The following PLA2G6 variants were observed in gnomAD, a reference collection of about 807,000 sequenced individuals.
PLA2G6 encodes the protein phospholipase A2 group VI, also known as 85/88 kDa calcium-independent phospholipase A2.
PLA2G6 carries 62 observed loss-of-function variants against 83.8 expected under a neutral mutation model. The ratio of observed to expected loss-of-function variants is 0.74; its 90% CI spans 0.60 to 0.91. PLA2G6 has a LOEUF of 0.91. Among genes scored for constraint, PLA2G6 ranks in the 40% least tolerant of loss-of-function variants. The pLI, the probability that PLA2G6 is intolerant of heterozygous loss-of-function variation, is 0.00. For synonymous variants in PLA2G6, 417 were observed against 449.8 expected, an observed-to-expected ratio of 0.93 and a Z score of 0.92; for missense variants, 944 against 1,102.0, an observed-to-expected ratio of 0.86 and a Z score of 2.03.
chr22:38,130,158 A>C, intron 7 of PLA2G6: 1 of 185,778 alleles, frequency 5.4e-6, no homozygotes, highest in South Asian at 1.2e-4. Context: ...TGGCCTTGTC[A>C]CCTTCCTCTT....
At chr22:38,147,250 A>T (rs2145838980) in intron 2 of PLA2G6, 1 of 154,510 alleles carries the variant, frequency 6.5e-6, no homozygotes, top group African/African-American at 2.4e-5. Context: ...AAAAACCACT[A>T]TAAAAGCACT....
chr22:38,123,172 C>A lies in PLA2G6; in HGVS notation c.1514G>T (p.Gly505Val). Residue 505 changes from glycine to valine, a missense_variant, in exon 11 of 17, where the codon GGT becomes GTT. By Grantham distance (109) the Gly-to-Val change is moderately radical. Transcript: ENST00000332509. The surrounding 1 kb of genome is among the most constrained non-coding windows in gnomAD (Gnocchi z 4.1). ...QLLIAIEKAS[G>V]VATKDLFDWV... ...GTCAAACAGGTCCTTGGTGGCCACACCCGAGGCCTTCTCGATGGCGATGAG... is the reference window on the plus strand; with the variant it reads ...GTCAAACAGGTCCTTGGTGGCCACAACCGAGGCCTTCTCGATGGCGATGAG... The A allele has an allele frequency of 6.4e-7, 1 of 1,551,394 alleles. No homozygotes were observed. The highest frequency in any genetic ancestry group is 8.7e-7 in the Non-Finnish European group (1 of 1,147,596).
In PLA2G6 at chr22:38,123,078, C is replaced by A. The variant is rs748557119; in HGVS notation, c.1591+17G>T. Reference sequence around the variant, plus strand: ...GTCTCAGCCCCGCCTGGCCCCATCCCCAGGGGCCGCCCTCACTGTGCAGAA... The same window carrying A: ...GTCTCAGCCCCGCCTGGCCCCATCCACAGGGGCCGCCCTCACTGTGCAGAA... On this transcript the variant is annotated intron_variant, in intron 11 of 16. Coordinates refer to ENST00000332509, the MANE Select transcript of PLA2G6 (RefSeq NM_003560.4). This position sits in a 1 kb window ranked among gnomAD's most constrained non-coding sequence, Gnocchi z 4.1. 6.5e-7 allele frequency: 1 copy of A among 1,546,834 alleles called. No homozygotes were observed. Among genetic ancestry groups the A allele is most frequent in the Non-Finnish European group, 8.7e-7 (1 of 1,146,396 alleles).
At position 38,145,456 on chromosome 22, in the gene PLA2G6, T is replaced by C. The variant is rs201339748; in HGVS notation, c.407A>G (p.His136Arg). The change falls in exon 3 of 17, where the codon CAT becomes CGT. Residue 136 changes from histidine to arginine, a missense_variant. Coordinates refer to ENST00000332509, the MANE Select transcript of PLA2G6 (RefSeq NM_003560.4). ...TGCTCACCTGATGATACGGCTGTGA[T>C]GGAAGCACTCGCGGATCCCTAGCTC... ...AVELGIRECF[H>R]HSRIISCANC... is the part of the protein sequence containing the mutation. The C allele has an allele frequency of 9.3e-6, 15 of 1,609,230 alleles. No individual in the cohort carries two copies. The highest frequency in any genetic ancestry group is 2.7e-5 in the African/African-American group (2 of 75,012).
Position 38,120,901 on chromosome 22 carries a change from T to C in PLA2G6, c.1600A>G (p.Met534Val), listed in dbSNP as rs748730147. Residue 534 changes from methionine to valine, a missense_variant, in exon 12 of 17, where the codon ATG becomes GTG. Transcript: ENST00000332509. The part of the protein sequence containing the change: ...LALAILHSKS[M>V]AYMRGMYFRM... ...AAGTACATGCCGCGCATGTAGGCCA[T>C]GGACTTACCTAGGAACAAAGGGGTC... 6.1e-5 allele frequency: 99 copies of C among 1,613,424 alleles called. No individual in the cohort carries two copies. Among genetic ancestry groups the C allele is most frequent in the Non-Finnish European group, 8.3e-5 (98 of 1,180,032 alleles).
chr22:38,125,325 C>T (rs908055621), intron 10 of PLA2G6, among the ~76,000 whole-genome samples: 7 of 151,936 alleles, frequency 4.6e-5, no homozygotes, highest in South Asian at 4.2e-4. Flanking sequence ...TGCATGTGTG[C>T]GTGTGTGTGT....
Position 38,132,450 on chromosome 22 carries a change from TTCCAC to T in PLA2G6, c.1077+376_1077+380del. On this transcript the variant is annotated intron_variant, in intron 7 of 16. Coordinates refer to ENST00000332509, the MANE Select transcript of PLA2G6 (RefSeq NM_003560.4). The surrounding 1 kb of genome is among the most constrained non-coding windows in gnomAD (Gnocchi z 5.0). ...GGTGACCAAGTGTCCACCATAACTTTTCCACAACTCTTCCAGATAAGTATTGACAC... is the reference window on the plus strand; with the variant it reads ...GGTGACCAAGTGTCCACCATAACTTTAACTCTTCCAGATAAGTATTGACAC... The T allele has an allele frequency of 2.9e-6, 1 of 345,360 alleles. No individual in the cohort carries two copies. Among genetic ancestry groups the T allele is most frequent in the South Asian group, 2.8e-5 (1 of 35,866 alleles). 21.4% of individuals were successfully genotyped at this position (345,360 alleles called of 1,614,324 possible).
At chr22:38,164,046 G>A (rs1444950724) in intron 2 of PLA2G6, among the ~76,000 whole-genome samples, 2 of 152,178 alleles carry the variant, frequency 1.3e-5, no homozygotes, top group South Asian at 2.1e-4. Context: ...AGATACCAGT[G>A]AGAGGCTGGT....
At chr22:38,126,229 G>A (rs752977039) in intron 10 of PLA2G6, 142 bp downstream of exon 10, 1 of 729,662 alleles carries the variant, frequency 1.4e-6, no homozygotes, top group Non-Finnish European at 2.5e-6. Context: ...TGTCTCTGCT[G>A]AGAACTATAA....
chr22:38,172,589 T>A (rs1001171875), intron 1 of PLA2G6, among the ~76,000 whole-genome samples: 1 of 152,246 alleles, frequency 6.6e-6, no homozygotes, highest in African/African-American at 2.4e-5. Context: ...AGTAGCAGTA[T>A]AGGCTGAGCC....
intron 14 of PLA2G6, among the ~76,000 whole-genome samples, chr22:38,114,504 T>A (rs1043524183): frequency 4.6e-5 from 7 of 152,158 alleles, no homozygotes; most frequent in Non-Finnish European, 8.8e-5. Context: ...CTTATTTGCT[T>A]CCGAACAAGC....
intron 14 of PLA2G6, among the ~76,000 whole-genome samples, chr22:38,115,014 T>C (rs866832285): frequency 4.5e-4 from 69 of 152,214 alleles, no homozygotes; most frequent in African/African-American, 1.6e-3. Context: ...GCTGTACCTC[T>C]GCAGAGAGAG....
intron 15 of PLA2G6, chr22:38,112,874 TTCCC>T (rs2086966057): frequency 1.8e-6 from 1 of 549,022 alleles, no homozygotes; most frequent in East Asian, 3.1e-5. Flanking sequence ...TCCCTGAAGT[TTCCC>T]TCCCTCCCTC....
Position 38,145,433 on chromosome 22 carries a change from C to T in PLA2G6, c.425+5G>A. 6.2e-7 allele frequency: 1 copy of T among 1,601,378 alleles called. No homozygotes were observed. On this transcript the variant is annotated splice_donor_5th_base_variant and intron_variant, in intron 3 of 16. Coordinates refer to ENST00000332509, the MANE Select transcript of PLA2G6 (RefSeq NM_003560.4). The stretch of plus-strand genomic sequence containing the variant: ...TTGTCCAAATGGTCTTGTTCCCTTG[C>T]TCACCTGATGATACGGCTGTGATGG...
chr22:38,128,495 A>C lies in PLA2G6; in HGVS notation c.1187-65T>G, dbSNP rs1201547002. On this transcript the variant is annotated intron_variant, in intron 8 of 16. Transcript: ENST00000332509. This position sits in a 1 kb window ranked among gnomAD's most constrained non-coding sequence, Gnocchi z 4.4. ...GAAATGATGTCAACATGCAAAGGAG[A>C]GGCCCCTCCTTTCCACACTCCGTCC... 1.2e-5 allele frequency: 19 copies of C among 1,535,654 alleles called. No individual in the cohort carries two copies. Among genetic ancestry groups the C allele is most frequent in the Non-Finnish European group, 1.6e-5 (18 of 1,114,558 alleles).
At chr22:38,150,343 G>A (rs1487298161) in intron 2 of PLA2G6, 2 of 152,208 alleles carry the variant, frequency 1.3e-5, no homozygotes, top group African/African-American at 2.4e-5. Context: ...CAAGGAGGCT[G>A]AAGCAAGCCA....
At chr22:38,170,401 G>A (rs1270596806) in intron 1 of PLA2G6, among the ~76,000 whole-genome samples, 1 of 151,958 alleles carries the variant, frequency 6.6e-6, no homozygotes, top group East Asian at 1.9e-4. Flanking sequence ...ACAAAAGCAA[G>A]CTCCTTGGAA....
At chr22:38,177,715 C>T (rs568339579) in intron 1 of PLA2G6, among the ~76,000 whole-genome samples, 1 of 152,258 alleles carries the variant, frequency 6.6e-6, no homozygotes, top group Non-Finnish European at 1.5e-5. Context: ...CCGCCCACCT[C>T]CACCTCCCAA....
At position 38,145,508 on chromosome 22, in the gene PLA2G6, T is replaced by C. The variant is rs747331639; in HGVS notation, c.355A>G (p.Ser119Gly). 2 of 1,613,232 alleles carry C rather than the reference T, an allele frequency of 1.2e-6. No homozygotes were observed. Among genetic ancestry groups the C allele is most frequent in the South Asian group, 1.1e-5 (1 of 90,770 alleles). Residue 119 changes from serine to glycine, a missense_variant, in exon 3 of 17, where the codon AGC becomes GGC. Ser to Gly is a moderately conservative substitution (Grantham distance 56, BLOSUM62 0). Coordinates refer to ENST00000332509, the MANE Select transcript of PLA2G6 (RefSeq NM_003560.4). Reference sequence around the variant, plus strand: ...ACAGCCAGGTGGGCCACTGACCAGCTGGGGTGGTTACGGATGAGGTCGGTC... The same window carrying C: ...ACAGCCAGGTGGGCCACTGACCAGCCGGGGTGGTTACGGATGAGGTCGGTC... ...HLTDLIRNHP[S>G]WSVAHLAVEL...
Sources: allele counts gnomAD v4.1 joint callset (sites outside exome capture counted in the v4.1 genomes callset), GRCh38; gene constraint gnomAD v4.1.1; non-coding constraint Gnocchi (gnomAD v3.1); transcripts MANE v1.5; gene names NCBI Gene and HGNC (gene_info 2026-07-23, HGNC 2026-07-21).